KIAA0040: variants seen among roughly 807,000 people sequenced by gnomAD.
KIAA0040 encodes the protein KIAA0040.
In KIAA0040, 10 loss-of-function variants were observed where a neutral mutation model predicts 7.2. The observed-to-expected ratio is 1.38, with a 90% CI of 0.85 to 2.34. The LOEUF (loss-of-function observed/expected upper bound fraction) is 2.34. KIAA0040 is among the 30% of genes most tolerant of loss of function. KIAA0040 has a pLI of 0.00. For missense variants in KIAA0040, 89 were observed against 108.2 expected, an observed-to-expected ratio of 0.82 and a Z score of 0.79; for synonymous variants, 49 against 40.1, an observed-to-expected ratio of 1.22 and a Z score of -0.84.
At chr1:175,187,038 G>T (rs1242843458) in intron 1 of KIAA0040, among the ~76,000 whole-genome samples, 1 of 152,204 alleles carries the variant, frequency 6.6e-6, no homozygotes, top group East Asian at 1.9e-4. Flanking sequence ...GAGAGAGAAA[G>T]GAGGGTGGAA....
intron 2 of KIAA0040, among the ~76,000 whole-genome samples, chr1:175,168,559 A>T (rs1676864033): frequency 6.6e-6 from 1 of 152,240 alleles, no homozygotes; most frequent in Non-Finnish European, 1.5e-5. Context: ...TAATAAAATG[A>T]TGCTTTATCA....
intron 2 of KIAA0040, among the ~76,000 whole-genome samples, chr1:175,168,922 C>T (rs1228102874): frequency 6.6e-6 from 1 of 152,256 alleles, no homozygotes; most frequent in Non-Finnish European, 1.5e-5. Context: ...CCTGTTCTCT[C>T]TCTGCTTGCT....
intron 3 of KIAA0040, among the ~76,000 whole-genome samples, chr1:175,164,289 C>T (rs1378176682): frequency 1.3e-5 from 2 of 152,202 alleles, no homozygotes; most frequent in Non-Finnish European, 2.9e-5. Context: ...TAATATGTTT[C>T]ATGCACTGTT....
At chr1:175,163,242 T>G (rs1024884796) in intron 3 of KIAA0040, among the ~76,000 whole-genome samples, 1 of 152,266 alleles carries the variant, frequency 6.6e-6, no homozygotes, top group Non-Finnish European at 1.5e-5. Flanking sequence ...CCAGATTAAC[T>G]TAAATGCTTA....
chr1:175,174,271 T>A (rs1032852361), intron 2 of KIAA0040, among the ~76,000 whole-genome samples: 1 of 152,216 alleles, frequency 6.6e-6, no homozygotes, highest in East Asian at 1.9e-4. Flanking sequence ...GATGGACTGA[T>A]CCTGATCTGT....
chr1:175,168,673 G>T (rs1264666510), intron 2 of KIAA0040, among the ~76,000 whole-genome samples: 1 of 152,198 alleles, frequency 6.6e-6, no homozygotes, highest in Admixed American at 6.5e-5. Context: ...TCTTGCGGGA[G>T]ATCACCCAGC....
chr1:175,168,423 T>C (rs568018720), intron 2 of KIAA0040, among the ~76,000 whole-genome samples: 2 of 152,310 alleles, frequency 1.3e-5, no homozygotes, highest in South Asian at 4.1e-4. Context: ...CATAACTAGA[T>C]ATTCAGTATT....
chr1:175,169,864 T>G (rs1361487713), intron 2 of KIAA0040, among the ~76,000 whole-genome samples: 1 of 152,198 alleles, frequency 6.6e-6, no homozygotes, highest in East Asian at 1.9e-4. Flanking sequence ...GACGACAAAC[T>G]GCCCTTTTGT....
At chr1:175,181,216 G>C (rs933732900) in intron 1 of KIAA0040, among the ~76,000 whole-genome samples, 1 of 151,328 alleles carries the variant, frequency 6.6e-6, no homozygotes, top group Non-Finnish European at 1.5e-5. Flanking sequence ...CAACTGAGTA[G>C]AGTATGTGTG....
At chr1:175,171,326 C>A (rs1558393515) in intron 2 of KIAA0040, among the ~76,000 whole-genome samples, 2 of 152,178 alleles carry the variant, frequency 1.3e-5, no homozygotes, top group Admixed American at 1.3e-4. Flanking sequence ...TGTCTTCCTC[C>A]ATTAGAACAT....
intron 3 of KIAA0040, among the ~76,000 whole-genome samples, chr1:175,163,942 C>G (rs1489221209): frequency 6.6e-6 from 1 of 152,054 alleles, no homozygotes; most frequent in South Asian, 2.1e-4. Context: ...CTTGAAGATG[C>G]GTAGTATTTT....
intron 2 of KIAA0040, among the ~76,000 whole-genome samples, chr1:175,176,924 A>G (rs1196668628): frequency 6.6e-6 from 1 of 151,998 alleles, no homozygotes; most frequent in Non-Finnish European, 1.5e-5. Flanking sequence ...TATGGAAGAA[A>G]CTGCTTAAGC....
At chr1:175,190,352 G>A (rs973209268) in intron 1 of KIAA0040, among the ~76,000 whole-genome samples, 12 of 152,176 alleles carry the variant, frequency 7.9e-5, no homozygotes, top group Non-Finnish European at 1.5e-4. Flanking sequence ...CACCAATGTG[G>A]TGCTACCACA....
At chr1:175,187,867 T>C (rs906343838) in intron 1 of KIAA0040, among the ~76,000 whole-genome samples, 2 of 152,168 alleles carry the variant, frequency 1.3e-5, no homozygotes, top group African/African-American at 4.8e-5. Flanking sequence ...TTTCCTCTCT[T>C]CTGCCAATTT....
At chr1:175,181,782 G>A (rs1016752038) in intron 1 of KIAA0040, among the ~76,000 whole-genome samples, 2 of 152,210 alleles carry the variant, frequency 1.3e-5, no homozygotes, top group Non-Finnish European at 2.9e-5. Flanking sequence ...GTTGGCACCT[G>A]CAAGGTGCAT....
chr1:175,166,940 C>T (rs904101272), intron 2 of KIAA0040, among the ~76,000 whole-genome samples: 1 of 152,184 alleles, frequency 6.6e-6, no homozygotes, highest in Non-Finnish European at 1.5e-5. Context: ...AGAGAACCTA[C>T]TCCTGCTGGG....
In KIAA0040 at chr1:175,177,203, G is replaced by A. The variant is rs546542975; in HGVS notation, c.-310+408C>T. Among the ~76,000 whole-genome samples the A allele has an allele frequency of 5.3e-5, 8 of 152,296 alleles. No homozygotes were observed. The South Asian group carries it at 1.7e-3, about 32-fold the overall frequency. On this transcript the variant is annotated intron_variant, in intron 2 of 3. Coordinates refer to ENST00000423313, the MANE Select transcript of KIAA0040 (RefSeq NM_014656.3). ...CTGCAGGCCGACCACCAGACTTTAG[G>A]CTTTATCTCCCATTAGCAGCCCAGA...
intron 3 of KIAA0040, among the ~76,000 whole-genome samples, chr1:175,166,125 C>T (rs1022802176): frequency 1.2e-4 from 18 of 152,096 alleles, no homozygotes; most frequent in Admixed American, 2.6e-4. Context: ...CCCTCTTCTG[C>T]GACTGCTGAC....
chr1:175,172,154 T>C (rs1294401222), intron 2 of KIAA0040, among the ~76,000 whole-genome samples: 2 of 152,198 alleles, frequency 1.3e-5, no homozygotes, highest in African/African-American at 4.8e-5. Flanking sequence ...GGGTCCAGAC[T>C]ATACACTCTA....
Sources: allele counts gnomAD v4.1 joint callset (sites outside exome capture counted in the v4.1 genomes callset), GRCh38; gene constraint gnomAD v4.1.1; transcripts MANE v1.5; gene names NCBI Gene and HGNC (gene_info 2026-07-23, HGNC 2026-07-21).